Variants in SEMA3A observed in about 807,000 individuals in gnomAD.
SEMA3A encodes the protein semaphorin 3A.
SEMA3A carries 29 observed loss-of-function variants against 97.9 expected under a neutral mutation model. The ratio of observed to expected loss-of-function variants is 0.30; its 90% CI spans 0.22 to 0.40. The LOEUF (loss-of-function observed/expected upper bound fraction) is 0.40. Among genes scored for constraint, SEMA3A ranks in the 10% least tolerant of loss-of-function variants. SEMA3A has a pLI of 1.00. For missense variants in SEMA3A, 763 were observed against 951.3 expected, an observed-to-expected ratio of 0.80 and a Z score of 2.60; for synonymous variants, 321 against 323.7, an observed-to-expected ratio of 0.99 and a Z score of 0.09.
intron 3 of SEMA3A, among the ~76,000 whole-genome samples, chr7:84,214,836 T>C (rs1238628531): frequency 6.6e-6 from 1 of 151,600 alleles, no homozygotes; most frequent in Non-Finnish European, 1.5e-5. Context: ...GTAGCTGGAA[T>C]TATAGGCACC....
chr7:84,125,438 T>C (rs1271362333), intron 3 of SEMA3A, among the ~76,000 whole-genome samples: 1 of 152,218 alleles, frequency 6.6e-6, no homozygotes. Flanking sequence ...TTGCCTTTCT[T>C]CTTTGAAAGT....
chr7:84,342,192 T>C (rs1966332), intron 2 of SEMA3A, among the ~76,000 whole-genome samples: 9,826 of 152,114 alleles, frequency 0.065, 363 homozygotes, highest in East Asian at 0.13. Context: ...TGCAGCACCA[T>C]GCCTGGCTAA....
chr7:84,362,328 T>A (rs1393344890), intron 2 of SEMA3A, among the ~76,000 whole-genome samples: 1 of 152,004 alleles, frequency 6.6e-6, no homozygotes, highest in Non-Finnish European at 1.5e-5. Context: ...GGTGTTGAGA[T>A]AACTAAAGGC....
chr7:83,957,754 G>A lies in SEMA3A; in HGVS notation c.*3617C>T, dbSNP rs1170392041. On this transcript the variant is annotated 3_prime_UTR_variant, in exon 17 of 17. Coordinates refer to ENST00000265362, the MANE Select transcript of SEMA3A (RefSeq NM_006080.3). ...AATGTTTTCTTCTTTATGGAAACAT[G>A]TATTTGCAAACATTAACATTGACTT... The A allele has an allele frequency of 6.6e-6, 1 of 152,006 alleles. No homozygotes were observed. The highest frequency in any genetic ancestry group is 1.5e-5 in the Non-Finnish European group (1 of 67,974). 9.4% of individuals were successfully genotyped at this position (152,006 alleles called of 1,614,324 possible). A position where few individuals can be genotyped will look rare whatever the true frequency, so the allele number is the denominator to read the frequency against.
At chr7:84,372,667 A>G (rs1803002179) in intron 1 of SEMA3A, among the ~76,000 whole-genome samples, 1 of 152,156 alleles carries the variant, frequency 6.6e-6, no homozygotes, top group Admixed American at 6.6e-5. Flanking sequence ...AAATTAAAAC[A>G]TCTGCAGCAT....
chr7:84,055,479 C>G (rs1224289704), intron 5 of SEMA3A, among the ~76,000 whole-genome samples: 2 of 152,242 alleles, frequency 1.3e-5, no homozygotes, highest in South Asian at 2.1e-4. Context: ...AGGTGCCATC[C>G]GTCACCCCTT....
intron 2 of SEMA3A, among the ~76,000 whole-genome samples, chr7:84,363,967 C>T (rs1802784771): frequency 6.6e-6 from 1 of 151,780 alleles, no homozygotes; most frequent in African/African-American, 2.4e-5. Flanking sequence ...AAAGCAGATG[C>T]AGGTATGAGA....
intron 3 of SEMA3A, among the ~76,000 whole-genome samples, chr7:84,288,510 C>T (rs1187229344): frequency 6.6e-6 from 1 of 152,038 alleles, no homozygotes; most frequent in Non-Finnish European, 1.5e-5. Flanking sequence ...CCAGCCTGGC[C>T]AACATGGCGA....
rs138828340 is a variant in SEMA3A at position 84,357,338 on chromosome 7, A to C, written c.-169+14486T>G. On this transcript the variant is annotated intron_variant, in intron 2 of 3. Coordinates refer to the SEMA3A transcript ENST00000424555. ...ATGTGATGTTCCCATTCCTGTTTCCAAGTGTTCTCATTGTTCAGTTCCCAC... is the reference window on the plus strand; with the variant it reads ...ATGTGATGTTCCCATTCCTGTTTCCCAGTGTTCTCATTGTTCAGTTCCCAC... Among the ~76,000 whole-genome samples, 1,539 of 123,392 alleles carry C rather than the reference A, an allele frequency of 0.012. 46 individuals are homozygous for C. In the East Asian group the frequency reaches 0.14, roughly 11 times the overall value. 80.9% of individuals were successfully genotyped at this position (123,392 alleles called of 152,430 possible).
intron 1 of SEMA3A, among the ~76,000 whole-genome samples, chr7:84,459,857 G>C (rs1805779154): frequency 6.6e-6 from 1 of 152,002 alleles, no homozygotes; most frequent in South Asian, 2.1e-4. Context: ...GCAAAACCCT[G>C]TCAATACAAA....
At chr7:84,099,140 G>A (rs1183011420) in intron 4 of SEMA3A, among the ~76,000 whole-genome samples, 1 of 51,708 alleles carries the variant, frequency 1.9e-5, no homozygotes, top group African/African-American at 4.0e-5. Flanking sequence ...GCGCGATCTC[G>A]GCTCACTGCA....
intron 3 of SEMA3A, among the ~76,000 whole-genome samples, chr7:84,227,582 T>A (rs1189911864): frequency 6.6e-6 from 1 of 152,072 alleles, no homozygotes. Context: ...AAAGAGGAGT[T>A]CTACAGCCAT....
intron 3 of SEMA3A, among the ~76,000 whole-genome samples, chr7:84,271,535 G>C (rs902051260): frequency 3.3e-5 from 5 of 152,078 alleles, no homozygotes; most frequent in African/African-American, 1.2e-4. Context: ...TAAATAAAGA[G>C]AAAATGAAAT....
chr7:84,449,226 T>C (rs1207411307), intron 1 of SEMA3A, among the ~76,000 whole-genome samples: 1 of 152,172 alleles, frequency 6.6e-6, no homozygotes, highest in Non-Finnish European at 1.5e-5. Flanking sequence ...CAACATTTAT[T>C]TGTGAATTAT....
At chr7:84,454,908 T>G (rs1000226936) in intron 1 of SEMA3A, among the ~76,000 whole-genome samples, 3 of 151,990 alleles carry the variant, frequency 2.0e-5, no homozygotes, top group African/African-American at 7.2e-5. Flanking sequence ...TAATAGTTAT[T>G]TTAATTATAT....
intron 1 of SEMA3A, among the ~76,000 whole-genome samples, chr7:84,482,042 C>A (rs1197909286): frequency 6.6e-6 from 1 of 151,570 alleles, no homozygotes; most frequent in African/African-American, 2.4e-5. Context: ...TGTTTTATGT[C>A]TTAATGTTGA....
chr7:84,024,741 A>C (rs559161414), intron 6 of SEMA3A, among the ~76,000 whole-genome samples: 1 of 152,330 alleles, frequency 6.6e-6, no homozygotes, highest in African/African-American at 2.4e-5. Context: ...ATTTTATAAC[A>C]TTGTTTTTAA....
intron 4 of SEMA3A, among the ~76,000 whole-genome samples, chr7:84,072,869 CCTA>C (rs1446157128): frequency 6.6e-6 from 1 of 152,030 alleles, no homozygotes; most frequent in Non-Finnish European, 1.5e-5. Context: ...TCATGACAAC[CCTA>C]CTATTATTAT....
At chr7:84,016,521 G>C (rs1433862731) in intron 6 of SEMA3A, among the ~76,000 whole-genome samples, 1 of 147,184 alleles carries the variant, frequency 6.8e-6, no homozygotes, top group Non-Finnish European at 1.5e-5. Flanking sequence ...CTGGGCGACA[G>C]AGCGAGACTC....
Sources: gnomAD v4.1 joint callset for allele counts (sites outside exome capture counted in the v4.1 genomes callset) on GRCh38, gnomAD v4.1.1 for gene constraint, MANE v1.5 for transcripts, NCBI Gene and HGNC (gene_info 2026-07-23, HGNC 2026-07-21) for gene names.